Variants in SPAG16 observed in about 807,000 individuals in gnomAD.
SPAG16 encodes sperm-associated antigen 16 protein.
SPAG16 carries 86 observed loss-of-function variants against 80.4 expected under a neutral mutation model. The observed-to-expected ratio is 1.07, with a 90% confidence interval of 0.90 to 1.28. The LOEUF (loss-of-function observed/expected upper bound fraction) is 1.28. SPAG16 is among the 50% of genes most tolerant of loss of function. The probability of loss-of-function intolerance (pLI) is 0.00; values close to 1 mark genes in which losing one functional copy is unlikely to be tolerated. For synonymous variants in SPAG16, 294 were observed against 265.9 expected, an observed-to-expected ratio of 1.11 and a Z score of -1.03; for missense variants, 870 against 765.3, an observed-to-expected ratio of 1.14 and a Z score of -1.61.
intron 13 of SPAG16, among the ~76,000 whole-genome samples, chr2:214,066,632 A>G (rs1248798903): frequency 6.6e-6 from 1 of 152,198 alleles, no homozygotes; most frequent in Non-Finnish European, 1.5e-5. Flanking sequence ...GCAACAAAAT[A>G]TTCAATATAA....
At chr2:213,895,844 A>G (rs2076971409) in intron 11 of SPAG16, among the ~76,000 whole-genome samples, 1 of 152,166 alleles carries the variant, frequency 6.6e-6, no homozygotes. Context: ...AGCATTGGGT[A>G]AGCACCCCAG....
At chr2:214,315,765 C>G (rs1471977370) in intron 15 of SPAG16, among the ~76,000 whole-genome samples, 2 of 152,096 alleles carry the variant, frequency 1.3e-5, no homozygotes, top group Non-Finnish European at 2.9e-5. Flanking sequence ...CTCCTAGACT[C>G]AAGCAATCCT....
intron 10 of SPAG16, among the ~76,000 whole-genome samples, chr2:213,837,123 T>A (rs1209516441): frequency 6.6e-6 from 1 of 152,230 alleles, no homozygotes; most frequent in African/African-American, 2.4e-5. Flanking sequence ...AGATTCCTAG[T>A]GGCTTCCCTC....
At chr2:214,300,997 C>G (rs1054542919) in intron 15 of SPAG16, among the ~76,000 whole-genome samples, 2 of 147,812 alleles carry the variant, frequency 1.4e-5, no homozygotes, top group Non-Finnish European at 3.0e-5. Context: ...AACACAGATG[C>G]GAAAATTCTC....
In SPAG16 at chr2:214,077,348, G is replaced by T. The variant is rs901099861; in HGVS notation, c.1528-30848G>T. Among the ~76,000 whole-genome samples the T allele has an allele frequency of 2.0e-5, 3 of 152,076 alleles. No homozygotes were observed. In the East Asian group the frequency reaches 5.8e-4, roughly 29 times the overall value. On this transcript the variant is annotated intron_variant, in intron 13 of 15. Coordinates refer to ENST00000331683, the MANE Select transcript of SPAG16 (RefSeq NM_024532.5). ...ATTCTTCTACAGGCAGGCTTCATTT[G>T]TTCTTCTAAACACATGTTTAAAAAA...
At chr2:213,323,129 A>G (rs1279368175) in intron 5 of SPAG16, among the ~76,000 whole-genome samples, 1 of 152,186 alleles carries the variant, frequency 6.6e-6, no homozygotes, top group Non-Finnish European at 1.5e-5. Context: ...ACTTTTCAGG[A>G]TGGCTATTAT....
chr2:214,313,182 TTACC>T (rs1221926310), intron 15 of SPAG16, among the ~76,000 whole-genome samples: 8 of 152,084 alleles, frequency 5.3e-5, no homozygotes, highest in South Asian at 2.1e-4. Context: ...AAATTATTAT[TTACC>T]TACCTAAGTG....
At chr2:213,621,599 T>C (rs1156314896) in intron 10 of SPAG16, among the ~76,000 whole-genome samples, 1 of 152,182 alleles carries the variant, frequency 6.6e-6, no homozygotes, top group African/African-American at 2.4e-5. Context: ...GAGACAGATA[T>C]TGTCAATATG....
Position 214,258,649 on chromosome 2 carries a change from G to A in SPAG16, c.1720+109383G>A, listed in dbSNP as rs549177745. 2.0e-5 allele frequency among the ~76,000 whole-genome samples: 3 copies of A among 151,762 alleles called. No individual in the cohort carries two copies. In the South Asian group the frequency reaches 6.2e-4, roughly 32 times the overall value. On this transcript the variant is annotated intron_variant, in intron 15 of 15. Coordinates refer to ENST00000331683, the MANE Select transcript of SPAG16 (RefSeq NM_024532.5). ...TCATATAATGACTTCTTTTGCTTTG[G>A]GTAGATACCCAGTAGATACCTTAAT...
intron 15 of SPAG16, among the ~76,000 whole-genome samples, chr2:214,267,683 T>A (rs757166641): frequency 4.0e-5 from 6 of 151,770 alleles, no homozygotes; most frequent in Non-Finnish European, 8.9e-5. Context: ...ACAAATAAAT[T>A]CTTTTGTGGA....
chr2:213,990,829 G>GA (rs1324549815), intron 12 of SPAG16, among the ~76,000 whole-genome samples: 1 of 151,960 alleles, frequency 6.6e-6, no homozygotes, highest in African/African-American at 2.4e-5. Flanking sequence ...AGAAGCCACT[G>GA]AAAAAAGTGC....
At chr2:213,807,920 C>A (rs1284369149) in intron 10 of SPAG16, among the ~76,000 whole-genome samples, 2 of 152,142 alleles carry the variant, frequency 1.3e-5, no homozygotes, top group South Asian at 2.1e-4. Flanking sequence ...TGTATATTTT[C>A]TATTTATTGT....
At chr2:213,318,855 A>C (rs983188349) in intron 5 of SPAG16, among the ~76,000 whole-genome samples, 1 of 151,916 alleles carries the variant, frequency 6.6e-6, no homozygotes, top group African/African-American at 2.4e-5. Flanking sequence ...TTATGAAAAT[A>C]AATTTTCTTC....
intron 15 of SPAG16, among the ~76,000 whole-genome samples, chr2:214,265,695 TTC>T (rs1475784440): frequency 6.6e-6 from 1 of 152,038 alleles, no homozygotes; most frequent in Non-Finnish European, 1.5e-5. Flanking sequence ...CATGTAGATT[TTC>T]TTTTATTTAT....
intron 10 of SPAG16, among the ~76,000 whole-genome samples, chr2:213,703,555 C>A (rs180755169): frequency 1.3e-5 from 2 of 152,168 alleles, no homozygotes; most frequent in Admixed American, 1.3e-4. Context: ...CTTTCATGCT[C>A]CTGGCTAGGA....
chr2:213,355,429 C>A (rs1171854577), intron 7 of SPAG16, among the ~76,000 whole-genome samples: 1 of 152,108 alleles, frequency 6.6e-6, no homozygotes, highest in Non-Finnish European at 1.5e-5. Context: ...ATGGGGAAGG[C>A]ATTGAATCTA....
chr2:213,738,109 T>A (rs940937908), intron 10 of SPAG16, among the ~76,000 whole-genome samples: 2 of 152,230 alleles, frequency 1.3e-5, no homozygotes, highest in Non-Finnish European at 2.9e-5. Flanking sequence ...TGCAAGATAA[T>A]TCATATTGAA....
chr2:213,425,301 G>C (rs562676004), intron 9 of SPAG16, among the ~76,000 whole-genome samples: 1 of 151,986 alleles, frequency 6.6e-6, no homozygotes, highest in East Asian at 1.9e-4. Context: ...ATCTGGGTGA[G>C]AGAGTGAGAC....
chr2:213,403,150 G>C (rs2068418311), intron 9 of SPAG16, among the ~76,000 whole-genome samples: 1 of 152,014 alleles, frequency 6.6e-6, no homozygotes, highest in Non-Finnish European at 1.5e-5. Context: ...TCTCATTGTG[G>C]TTTTGATTTG....
Sources: allele counts gnomAD v4.1 joint callset (sites outside exome capture counted in the v4.1 genomes callset), GRCh38; gene constraint gnomAD v4.1.1; transcripts MANE v1.5; gene names NCBI Gene and HGNC (gene_info 2026-07-23, HGNC 2026-07-21).